Variants in BABAM2 observed in about 807,000 individuals in gnomAD.
BABAM2 encodes the protein BRISC and BRCA1 A complex member 2, also known as BRISC and BRCA1-A complex member 2.
Under a neutral mutation model 54.7 loss-of-function variants are expected in BABAM2, and 31 were observed. The observed-to-expected ratio is 0.57, with a 90% CI of 0.43 to 0.77. The LOEUF is 0.77. BABAM2 is among the 30% of genes least tolerant of loss of function. The pLI is 0.00. For missense variants in BABAM2, 364 were observed against 455.8 expected (o/e 0.80, Z 1.83); for synonymous variants, 167 against 162.9 (o/e 1.03, Z -0.19).
At chr2:28,279,398 A>G (rs533497187) in intron 10 of BABAM2, among the ~76,000 whole-genome samples, 30 of 152,168 alleles carry the variant, frequency 2.0e-4, no homozygotes, top group Non-Finnish European at 4.1e-4. Flanking sequence ...TATCTCCTAA[A>G]TAAAAATGGC....
Position 28,245,068 on chromosome 2 carries a change from G to A in BABAM2, c.934+206G>A, listed in dbSNP as rs550152074. Among the ~76,000 whole-genome samples the A allele has an allele frequency of 2.6e-4, 39 of 152,156 alleles. 2 individuals carry two copies. The highest frequency in any genetic ancestry group is 1.8e-3 in the Admixed American group (27 of 15,274). ...GGAGCAATTTTGCACCTCAGGGGAC[G>A]TTTGGCAATGCCTGGAGACATTTTT... On this transcript the variant is annotated intron_variant, in intron 10 of 11. Transcript: ENST00000379624.
At chr2:28,320,698 C>T (rs1689957816) in intron 11 of BABAM2, among the ~76,000 whole-genome samples, 1 of 152,228 alleles carries the variant, frequency 6.6e-6, no homozygotes, top group Non-Finnish European at 1.5e-5. Flanking sequence ...CCTTGCCCTT[C>T]CTGCTCAGCC....
chr2:28,183,909 G>A (rs1207500212), intron 7 of BABAM2, among the ~76,000 whole-genome samples: 1 of 151,930 alleles, frequency 6.6e-6, no homozygotes, highest in African/African-American at 2.4e-5. Context: ...GTCTCCTTTG[G>A]GTAGACCTAG....
intron 6 of BABAM2, among the ~76,000 whole-genome samples, chr2:28,083,191 G>A (rs1048823864): frequency 2.4e-4 from 37 of 152,004 alleles, no homozygotes; most frequent in African/African-American, 8.7e-4. Context: ...TGCTTACCAC[G>A]TCCTGAACTG....
chr2:28,227,367 G>A (rs892873395), intron 7 of BABAM2, among the ~76,000 whole-genome samples: 7 of 152,090 alleles, frequency 4.6e-5, no homozygotes, highest in African/African-American at 1.7e-4. Context: ...TCGGTGTGGT[G>A]CAGGACGCAT....
At chr2:28,016,001 A>C (rs1674782420) in intron 4 of BABAM2, 1 of 601,762 alleles carries the variant, frequency 1.7e-6, no homozygotes, top group Non-Finnish European at 3.0e-6. Flanking sequence ...GCATCTTTTG[A>C]CTTCTTTTTC....
At chr2:28,301,198 G>A (rs1168872449) in intron 11 of BABAM2, among the ~76,000 whole-genome samples, 1 of 152,172 alleles carries the variant, frequency 6.6e-6, no homozygotes, top group Non-Finnish European at 1.5e-5. Context: ...ACACTCTCAT[G>A]GTTTATGAAC....
chr2:28,127,487 G>A (rs1456288941), intron 6 of BABAM2, among the ~76,000 whole-genome samples: 6 of 151,286 alleles, frequency 4.0e-5, no homozygotes, highest in Non-Finnish European at 7.4e-5. Flanking sequence ...TCTCTTCCAA[G>A]CAGTCTGTGA....
chr2:28,274,690 G>A (rs998341595), intron 10 of BABAM2, among the ~76,000 whole-genome samples: 4 of 152,246 alleles, frequency 2.6e-5, no homozygotes, highest in Admixed American at 1.3e-4. Flanking sequence ...CGCCTGGCCC[G>A]GTGTTAGGCA....
At chr2:28,268,155 G>T (rs1685143219) in intron 10 of BABAM2, among the ~76,000 whole-genome samples, 1 of 152,178 alleles carries the variant, frequency 6.6e-6, no homozygotes, top group Non-Finnish European at 1.5e-5. Flanking sequence ...ATAGAAATCT[G>T]CATTAAAGCC....
In BABAM2 at chr2:28,064,670, A is replaced by G. The variant is rs116448177; in HGVS notation, c.570+18871A>G. The stretch of plus-strand genomic sequence containing the variant: ...TTGGCATGTGTGAGGCTGAAGTTTT[A>G]TGCTAGTGCACCCAGGCAATCCATA... On this transcript the variant is annotated intron_variant, in intron 6 of 11. Transcript: ENST00000379624. Among the ~76,000 whole-genome samples, 534 of 152,302 alleles carry G rather than the reference A, an allele frequency of 3.5e-3. 1 individual carries two copies. The highest frequency in any genetic ancestry group is 0.012 in the African/African-American group (510 of 41,550).
chr2:28,062,586 A>C (rs940769573), intron 6 of BABAM2, among the ~76,000 whole-genome samples: 1 of 151,970 alleles, frequency 6.6e-6, no homozygotes, highest in East Asian at 1.9e-4. Context: ...AAAAAAAAAA[A>C]AAACATATTT....
At chr2:27,953,345 G>A (rs1007931111) in intron 3 of BABAM2, among the ~76,000 whole-genome samples, 12 of 151,924 alleles carry the variant, frequency 7.9e-5, no homozygotes, top group African/African-American at 2.9e-4. Context: ...TCCTCGCCTG[G>A]CTAATTTTTT....
At chr2:27,975,053 T>C (rs1364433862) in intron 3 of BABAM2, among the ~76,000 whole-genome samples, 1 of 152,052 alleles carries the variant, frequency 6.6e-6, no homozygotes, top group Non-Finnish European at 1.5e-5. Flanking sequence ...TATATGTAGA[T>C]AAAGGAATTG....
chr2:28,151,415 CA>C (rs1321458945), intron 7 of BABAM2, among the ~76,000 whole-genome samples: 2 of 151,954 alleles, frequency 1.3e-5, no homozygotes, highest in Non-Finnish European at 2.9e-5. Context: ...ACTAAAAATA[CA>C]AAAAATTAGC....
At chr2:28,276,803 T>A (rs192114035) in intron 10 of BABAM2, among the ~76,000 whole-genome samples, 2 of 152,370 alleles carry the variant, frequency 1.3e-5, no homozygotes, top group African/African-American at 4.8e-5. Context: ...CTTCATCTCC[T>A]TCACTCTTTA....
At chr2:28,195,322 G>A (rs13000936) in intron 7 of BABAM2, among the ~76,000 whole-genome samples, 63,324 of 151,948 alleles carry the variant, frequency 0.42, 14,152 homozygotes, top group East Asian at 0.66. Flanking sequence ...TCTTTGGACA[G>A]CATCTCTTAC....
chr2:28,338,284 G>A (rs958409186), intron 11 of BABAM2, among the ~76,000 whole-genome samples, 166 bp from the exon 12 acceptor site: 2 of 152,212 alleles, frequency 1.3e-5, no homozygotes, highest in Admixed American at 6.5e-5. Context: ...GCATCTCCTC[G>A]GAAAAATCCG....
intron 7 of BABAM2, among the ~76,000 whole-genome samples, chr2:28,219,296 C>T (rs192785216): frequency 3.3e-5 from 5 of 152,302 alleles, no homozygotes; most frequent in Admixed American, 3.3e-4. Flanking sequence ...GCTCATAGCC[C>T]CCTTCCTCCT....
Sources: gnomAD v4.1 joint callset for allele counts (sites outside exome capture counted in the v4.1 genomes callset) on GRCh38, gnomAD v4.1.1 for gene constraint, MANE v1.5 for transcripts, NCBI Gene and HGNC (gene_info 2026-07-23, HGNC 2026-07-21) for gene names.